The following FOXN1 variants were observed in gnomAD, a reference collection of about 807,000 sequenced individuals.
FOXN1 encodes the protein forkhead box protein N1.
Under a neutral mutation model 49.0 loss-of-function variants are expected in FOXN1, and 15 were observed. The observed-to-expected ratio is 0.31, with a 90% CI of 0.20 to 0.47. The LOEUF (loss-of-function observed/expected upper bound fraction) is 0.47, where lower values mean the gene tolerates loss of function less well. Among genes scored for constraint, FOXN1 ranks in the 20% least tolerant of loss-of-function variants. FOXN1 has a pLI of 1.00. For synonymous variants in FOXN1, 356 were observed against 369.0 expected (o/e 0.96, Z 0.40); for missense variants, 800 against 842.8 (o/e 0.95, Z 0.63).
chr17:28,515,763 A>T (rs1470853727), intron 1 of FOXN1, among the ~76,000 whole-genome samples: 2 of 151,106 alleles, frequency 1.3e-5, no homozygotes, highest in Non-Finnish European at 2.9e-5. Flanking sequence ...ACAGGAGTAC[A>T]CCCCTCCACA....
At position 28,537,364 on chromosome 17, in the gene FOXN1, C is replaced by A. The variant is rs375619239; in HGVS notation, c.1875C>A (p.Pro625=). The change falls in exon 9 of 9, where the codon CCC becomes CCA. Residue 625 remains proline (P), a synonymous_variant. Transcript: ENST00000579795. Reference sequence around the variant, plus strand: ...ACTCTGCCTTTATGGAGCTGGAGCCCACGCCCCCCACGGCCCCTGCAGGCC... The same window carrying A: ...ACTCTGCCTTTATGGAGCTGGAGCCAACGCCCCCCACGGCCCCTGCAGGCC... The part of the protein sequence containing the change: ...TLYSAFMELE[P]TPPTAPAGPS... 1.0e-4 allele frequency: 164 copies of A among 1,612,626 alleles called. No homozygotes were observed. Among genetic ancestry groups the A allele is most frequent in the Middle Eastern group, 1.6e-4 (1 of 6,084 alleles).
intron 1 of FOXN1, among the ~76,000 whole-genome samples, chr17:28,519,943 C>T (rs570770628): frequency 7.2e-5 from 11 of 152,244 alleles, no homozygotes; most frequent in African/African-American, 2.6e-4. Flanking sequence ...CCCCCACCCC[C>T]ATAACTCAGG....
intron 8 of FOXN1, among the ~76,000 whole-genome samples, chr17:28,535,744 AAAAC>A (rs916465538): frequency 1.2e-4 from 18 of 152,220 alleles, no homozygotes; most frequent in African/African-American, 3.9e-4. Flanking sequence ...CTCCGCCTCA[AAAAC>A]AAACAAACAA....
intron 1 of FOXN1, among the ~76,000 whole-genome samples, chr17:28,523,115 G>T (rs1054862507): frequency 4.6e-5 from 7 of 152,228 alleles, no homozygotes; most frequent in African/African-American, 1.7e-4. Context: ...GTTAGGGACA[G>T]GGTTCCCCTA....
chr17:28,515,015 A>C (rs1210729428), intron 1 of FOXN1, among the ~76,000 whole-genome samples: 2 of 152,122 alleles, frequency 1.3e-5, no homozygotes, highest in Non-Finnish European at 2.9e-5. Context: ...ATACTAGCTG[A>C]GTGAACTTGG....
Position 28,534,966 on chromosome 17 carries a change from T to C in FOXN1, c.1395T>C (p.Pro465=). 1 of 1,613,986 alleles carries C rather than the reference T, an allele frequency of 6.2e-7. No individual in the cohort carries two copies. The highest frequency in any genetic ancestry group is 8.5e-7 in the Non-Finnish European group (1 of 1,179,962). The change falls in exon 8 of 9, where the codon CCT becomes CCC. Residue 465 remains proline, a synonymous_variant. Coordinates refer to ENST00000579795, the MANE Select transcript of FOXN1 (RefSeq NM_001369369.1). The surrounding 1 kb of genome is among the most constrained non-coding windows in gnomAD (Gnocchi z 4.1). The part of the protein sequence containing the change: ...YLHLSPGLAP[P]GPPQPLFPQP... ...ACCTCTCACCAGGCCTGGCCCCTCC[T>C]GGACCCCCGCAGCCATTGTTCCCAC... is the stretch of plus-strand genomic sequence containing the variant.
intron 1 of FOXN1, among the ~76,000 whole-genome samples, chr17:28,511,298 T>C (rs1333447864): frequency 6.6e-6 from 1 of 152,224 alleles, no homozygotes; most frequent in Non-Finnish European, 1.5e-5. Flanking sequence ...ATTAATATCC[T>C]TAATAATAGA....
At chr17:28,525,739 A>C (rs1176479164) in intron 3 of FOXN1, among the ~76,000 whole-genome samples, 2 of 151,702 alleles carry the variant, frequency 1.3e-5, no homozygotes, top group Admixed American at 6.6e-5. Flanking sequence ...TCTTGCTTTC[A>C]AACAGGCCCC....
At position 28,537,500 on chromosome 17, in the gene FOXN1, A is replaced by C; in HGVS notation, c.*64A>C. The stretch of plus-strand genomic sequence containing the variant: ...CTGGAAGTCCTGGCCGGCCGCCCAC[A>C]TCGGGCTCACCTTAAAGGTCAAGGA... On this transcript the variant is annotated 3_prime_UTR_variant, in exon 9 of 9. Transcript: ENST00000579795. The C allele has an allele frequency of 2.3e-6, 3 of 1,309,894 alleles. No individual in the cohort carries two copies. The highest frequency in any genetic ancestry group is 3.3e-6 in the Non-Finnish European group (3 of 908,024). 81.1% of individuals were successfully genotyped at this position (1,309,894 alleles called of 1,614,324 possible).
chr17:28,519,906 G>A (rs1367868762), intron 1 of FOXN1, among the ~76,000 whole-genome samples: 1 of 152,076 alleles, frequency 6.6e-6, no homozygotes, highest in Non-Finnish European at 1.5e-5. Context: ...GCAGGAAAGG[G>A]GAGTTCCCTT....
At chr17:28,522,580 G>A (rs1303487668) in intron 1 of FOXN1, among the ~76,000 whole-genome samples, 1 of 152,164 alleles carries the variant, frequency 6.6e-6, no homozygotes, top group African/African-American at 2.4e-5. Flanking sequence ...TCAGGAGGTG[G>A]AGGTTGAAGT....
chr17:28,507,677 C>A (rs1233495830), intron 1 of FOXN1, among the ~76,000 whole-genome samples: 1 of 152,212 alleles, frequency 6.6e-6, no homozygotes, highest in South Asian at 2.1e-4. Context: ...TTCTTCCTCC[C>A]GCACTGAGGA....
chr17:28,523,912 C>A, intron 1 of FOXN1, 44 bp from the exon 2 acceptor site: 1 of 1,610,686 alleles, frequency 6.2e-7, no homozygotes, highest in East Asian at 2.2e-5. Flanking sequence ...TTGGTCCCCA[C>A]TGGATGCTGG....
chr17:28,537,608 G>A lies in FOXN1; in HGVS notation c.*172G>A, dbSNP rs865896887. Reference sequence around the variant, plus strand: ...TGGGGGCGCAGAGGACATCACCTGGGGTGCTGCCTCTCACACATTTCTGCC... The same window carrying A: ...TGGGGGCGCAGAGGACATCACCTGGAGTGCTGCCTCTCACACATTTCTGCC... On this transcript the variant is annotated 3_prime_UTR_variant, in exon 9 of 9. Coordinates refer to ENST00000579795, the MANE Select transcript of FOXN1 (RefSeq NM_001369369.1). 6.0e-6 allele frequency: 4 copies of A among 664,514 alleles called. No individual in the cohort carries two copies. Among genetic ancestry groups the A allele is most frequent in the African/African-American group, 5.3e-5 (3 of 56,442 alleles). The allele number at this position is 664,514 out of a possible 1,614,324, so 41.2% of individuals were successfully genotyped here. A position where few individuals can be genotyped will look rare whatever the true frequency, so the allele number is the denominator to read the frequency against.
intron 1 of FOXN1, among the ~76,000 whole-genome samples, chr17:28,507,259 C>T (rs1258159148): frequency 2.6e-5 from 4 of 152,174 alleles, no homozygotes; most frequent in African/African-American, 9.7e-5. Context: ...TCCTCCCCAC[C>T]CACTACCCGC....
intron 1 of FOXN1, among the ~76,000 whole-genome samples, chr17:28,516,992 T>C (rs2069522830): frequency 2.3e-5 from 1 of 43,676 alleles, no homozygotes; most frequent in African/African-American, 5.8e-5. Context: ...CTCCACAGGG[T>C]ACACACCTCC....
Position 28,524,546 on chromosome 17 carries a change from C to G in FOXN1, c.167C>G (p.Pro56Arg). The G allele has an allele frequency of 6.2e-7, 1 of 1,613,762 alleles. No individual in the cohort carries two copies. Among genetic ancestry groups the G allele is most frequent in the Non-Finnish European group, 8.5e-7 (1 of 1,180,020 alleles). Reference protein sequence around the residue: ...FSCSSFVSDGPPERTPSLPPH... With the variant: ...FSCSSFVSDGRPERTPSLPPH... The stretch of plus-strand genomic sequence containing the variant: ...TGCTCGTCATTTGTGTCCGACGGCC[C>G]TCCAGAGAGGACACCCTCACTGCCC... The change falls in exon 3 of 9, where the codon CCT becomes CGT. Residue 56 changes from proline to arginine, a missense_variant. Around this residue, in one of 3 missense-constraint regions of FOXN1, gnomAD observed 383 missense variants for 357.9 expected, o/e 1.07. Coordinates refer to ENST00000579795, the MANE Select transcript of FOXN1 (RefSeq NM_001369369.1).
chr17:28,507,089 A>G (rs1555606241), intron 1 of FOXN1, among the ~76,000 whole-genome samples: 1 of 152,080 alleles, frequency 6.6e-6, no homozygotes, highest in African/African-American at 2.4e-5. Flanking sequence ...CCCCAGCTCC[A>G]TTTCTCTCCC....
At chr17:28,508,677 C>T (rs1051326086) in intron 1 of FOXN1, among the ~76,000 whole-genome samples, 5 of 152,124 alleles carry the variant, frequency 3.3e-5, no homozygotes, top group African/African-American at 1.2e-4. Flanking sequence ...GTTGCTTGGG[C>T]GCTGGCAGGG....
Sources: gnomAD v4.1 joint callset for allele counts (sites outside exome capture counted in the v4.1 genomes callset) on GRCh38, gnomAD v4.1.1 for gene constraint, gnomAD v4.1.1 regional missense constraint, Gnocchi (gnomAD v3.1) non-coding constraint, MANE v1.5 for transcripts, NCBI Gene and HGNC (gene_info 2026-07-23, HGNC 2026-07-21) for gene names.